Variants in PRKCZ observed in about 807,000 individuals in gnomAD.
The protein encoded by PRKCZ is protein kinase C zeta, also known as protein kinase C zeta type.
A neutral mutation model predicts 79.5 loss-of-function variants in PRKCZ; 33 were observed. That is an observed-to-expected ratio of 0.41 (90% CI 0.31 to 0.55). The LOEUF (loss-of-function observed/expected upper bound fraction) is 0.55. Among genes scored for constraint, PRKCZ ranks in the 20% least tolerant of loss-of-function variants. The pLI is 0.19. For synonymous variants in PRKCZ, 342 were observed against 320.9 expected (o/e 1.07, Z -0.70); for missense variants, 578 against 813.5 (o/e 0.71, Z 3.52).
rs201432730 is a variant in PRKCZ at position 2,101,040 on chromosome 1, G to A, written c.335-34222G>A. ...TTGTTAAAAAAAAAAAAAAAAAAAG[G>A]CGTTAAGATGATTCTACTTTGTAGA... On this transcript the variant is annotated intron_variant, in intron 4 of 17. Coordinates refer to ENST00000378567, the MANE Select transcript of PRKCZ (RefSeq NM_002744.6). 2.7e-5 allele frequency among the ~76,000 whole-genome samples: 4 copies of A among 146,180 alleles called. 1 individual carries two copies. In the South Asian group the frequency reaches 8.7e-4, roughly 32 times the overall value.
intron 4 of PRKCZ, among the ~76,000 whole-genome samples, chr1:2,110,927 G>T (rs964824692): frequency 6.6e-6 from 1 of 152,098 alleles, no homozygotes; most frequent in Non-Finnish European, 1.5e-5. Context: ...GAAGGTGAGG[G>T]ACTGGAAGCT....
chr1:2,169,778 G>A (rs556823509), intron 11 of PRKCZ, among the ~76,000 whole-genome samples, 174 bp downstream of exon 11: 285 of 133,654 alleles, frequency 2.1e-3, no homozygotes, highest in African/African-American at 7.6e-3. Flanking sequence ...GGGTGTGCAC[G>A]GAGGGGGTAT....
At chr1:2,129,996 A>G (rs1349181941) in intron 4 of PRKCZ, among the ~76,000 whole-genome samples, 1 of 152,198 alleles carries the variant, frequency 6.6e-6, no homozygotes, top group Non-Finnish European at 1.5e-5. Context: ...TCCACCTGCC[A>G]GGCTCAGGTG....
At chr1:2,067,371 G>A (rs976944911) in intron 4 of PRKCZ, among the ~76,000 whole-genome samples, 5 of 152,144 alleles carry the variant, frequency 3.3e-5, no homozygotes, top group African/African-American at 4.8e-5. Context: ...TCTGTGATGC[G>A]ATTCACCCTG....
chr1:2,065,505 C>T (rs186021347), intron 4 of PRKCZ, among the ~76,000 whole-genome samples: 2 of 152,100 alleles, frequency 1.3e-5, no homozygotes, highest in East Asian at 1.9e-4. Flanking sequence ...AGTGAAACCC[C>T]GTTCTCTACT....
intron 4 of PRKCZ, among the ~76,000 whole-genome samples, chr1:2,079,404 C>T (rs2102372777): frequency 6.6e-6 from 1 of 152,346 alleles, no homozygotes; most frequent in Non-Finnish European, 1.5e-5. Context: ...CCCAGAATCG[C>T]ACAGTTTGAG....
intron 9 of PRKCZ, among the ~76,000 whole-genome samples, chr1:2,152,816 A>T (rs1209089056): frequency 6.6e-6 from 1 of 152,254 alleles, no homozygotes; most frequent in African/African-American, 2.4e-5. Flanking sequence ...CCGCTCGCTC[A>T]GGCCTTCCTC....
At chr1:2,116,847 A>G (rs1670852318) in intron 4 of PRKCZ, among the ~76,000 whole-genome samples, 1 of 152,138 alleles carries the variant, frequency 6.6e-6, no homozygotes, top group Non-Finnish European at 1.5e-5. Flanking sequence ...AGACATTTGG[A>G]TTGCATTTGG....
At chr1:2,049,474 G>A (rs985254484), upstream of PRKCZ, 2 of 152,438 alleles carry the variant, frequency 1.3e-5, no homozygotes, top group Non-Finnish European at 2.9e-5. Flanking sequence ...ACGACCTGCG[G>A]GATGAAAGCA....
intron 4 of PRKCZ, among the ~76,000 whole-genome samples, chr1:2,095,892 C>CCCCTCCCCTCCTTTG (rs1557547348): frequency 1.1e-5 from 1 of 91,840 alleles, no homozygotes; most frequent in African/African-American, 4.4e-5. Flanking sequence ...CCCCTCCTTT[C>CCCCTCCCCTCCTTTG]CCCTCCCCTC....
intron 4 of PRKCZ, chr1:2,073,740 G>T: frequency 2.0e-6 from 2 of 1,001,414 alleles, no homozygotes; most frequent in Non-Finnish European, 2.4e-6. Context: ...GATGTGAGGG[G>T]CGGGGGACAG....
rs111880696 is a variant in PRKCZ, at chr1:2,097,668, C to T, written c.335-37594C>T. 5.3e-3 allele frequency among the ~76,000 whole-genome samples: 808 copies of T among 152,294 alleles called. 14 individuals carry two copies. Among genetic ancestry groups the T allele is most frequent in the African/African-American group, 0.019 (775 of 41,540 alleles). ...CCCAGCCCATGCACCCCGGAAGGCACGCCTCGCACCGTGCTCCTGGTGGGG... is the reference window on the plus strand; with the variant it reads ...CCCAGCCCATGCACCCCGGAAGGCATGCCTCGCACCGTGCTCCTGGTGGGG... On this transcript the variant is annotated intron_variant, in intron 4 of 17. Coordinates refer to ENST00000378567, the MANE Select transcript of PRKCZ (RefSeq NM_002744.6).
At chr1:2,135,064 G>T in intron 4 of PRKCZ, 198 bp from the exon 5 acceptor site, 2 of 501,920 alleles carry the variant, frequency 4.0e-6, no homozygotes, top group South Asian at 4.7e-5. Flanking sequence ...CAGCCGCCGA[G>T]GCCGTGACAC....
intron 9 of PRKCZ, among the ~76,000 whole-genome samples, chr1:2,153,383 C>T (rs771482879): frequency 5.3e-5 from 8 of 152,254 alleles, no homozygotes; most frequent in African/African-American, 1.4e-4. Context: ...GGCTGCTCGT[C>T]GAGCCCCGAT....
upstream of PRKCZ, among the ~76,000 whole-genome samples, chr1:2,048,849 T>C (rs959060399): frequency 6.6e-6 from 1 of 151,778 alleles, no homozygotes; most frequent in Non-Finnish European, 1.5e-5. Context: ...CCAGGAGGGG[T>C]CTGATACCAA....
At chr1:2,104,891 T>G (rs1557569616) in intron 4 of PRKCZ, 21 of 985,334 alleles carry the variant, frequency 2.1e-5, no homozygotes, top group Non-Finnish European at 2.4e-5. Flanking sequence ...AGAGCAGTTT[T>G]CAGGGTGAGT....
chr1:2,103,648 C>G (rs1361728550), intron 4 of PRKCZ, among the ~76,000 whole-genome samples: 1 of 152,196 alleles, frequency 6.6e-6, no homozygotes, highest in Admixed American at 6.5e-5. Flanking sequence ...GAGGGAGGAT[C>G]GCTTGAGCCC....
At chr1:2,135,705 T>G (rs1479251276) in intron 5 of PRKCZ, among the ~76,000 whole-genome samples, 1 of 152,192 alleles carries the variant, frequency 6.6e-6, no homozygotes, top group Non-Finnish European at 1.5e-5. Flanking sequence ...GGGTGTGTGT[T>G]TTCAGCCGCA....
chr1:2,124,372 G>A (rs1398944430), intron 4 of PRKCZ, among the ~76,000 whole-genome samples: 1 of 84,720 alleles, frequency 1.2e-5, no homozygotes, highest in African/African-American at 4.1e-5. Context: ...GGGTCACGGC[G>A]GCGGTTAGGG....
Sources: allele counts gnomAD v4.1 joint callset (sites outside exome capture counted in the v4.1 genomes callset), GRCh38; gene constraint gnomAD v4.1.1; transcripts MANE v1.5; gene names NCBI Gene and HGNC (gene_info 2026-07-23, HGNC 2026-07-21).